The following CACNA1C variants were observed in gnomAD, a reference collection of about 807,000 sequenced individuals.
CACNA1C encodes the protein calcium voltage-gated channel subunit alpha1 C.
A neutral mutation model predicts 229.0 loss-of-function variants in CACNA1C; 30 were observed. That is an observed-to-expected ratio of 0.13 (90% CI 0.10 to 0.18). The LOEUF is 0.18. Ranked by LOEUF, CACNA1C falls within the 10% of genes least tolerant of loss-of-function variation. The pLI is 1.00. For missense variants in CACNA1C, 1,658 were observed against 2,845.0 expected (o/e 0.58, Z 9.49); for synonymous variants, 1,114 against 1,132.5 (o/e 0.98, Z 0.33).
At chr12:2,629,829 A>T (rs2089471879) in intron 29 of CACNA1C, among the ~76,000 whole-genome samples, 1 of 152,108 alleles carries the variant, frequency 6.6e-6, no homozygotes, top group Non-Finnish European at 1.5e-5. Flanking sequence ...CCCAGCAATG[A>T]TTTTCTGATG....
At position 2,067,487 on chromosome 12, in the gene CACNA1C, C is replaced by CGT. The variant is rs1555107894; in HGVS notation, c.49+13880_49+13881dup. Among the ~76,000 whole-genome samples, 13 of 52,944 alleles carry CGT rather than the reference C, an allele frequency of 2.5e-4. No individual in the cohort carries two copies. The highest frequency in any genetic ancestry group is 3.1e-4 in the African/African-American group (6 of 19,270). 34.7% of individuals were successfully genotyped at this position (52,944 alleles called of 152,430 possible). On this transcript the variant is annotated intron_variant, in intron 1 of 46. Coordinates refer to ENST00000399655, the MANE Select transcript of CACNA1C (RefSeq NM_000719.7). This position sits in a 1 kb window ranked among gnomAD's most constrained non-coding sequence, Gnocchi z 5.3. ...GTGTGTGTGTGTGTGTGTGTGCGCG[C>CGT]GTGTGCGTGCCTGTATGTAAGGGCA...
intron 3 of CACNA1C, among the ~76,000 whole-genome samples, chr12:2,379,765 C>T (rs967923641): frequency 6.6e-6 from 1 of 152,074 alleles, no homozygotes; most frequent in Non-Finnish European, 1.5e-5. Flanking sequence ...GGCGCGGTGG[C>T]TCACGCCTGT....
chr12:2,084,118 T>A (rs2066677747), intron 1 of CACNA1C, among the ~76,000 whole-genome samples: 1 of 152,220 alleles, frequency 6.6e-6, no homozygotes, highest in Non-Finnish European at 1.5e-5. Flanking sequence ...TTTGAAAAAC[T>A]TTTCACATAG....
At chr12:2,400,766 G>A (rs896740493) in intron 3 of CACNA1C, among the ~76,000 whole-genome samples, 16 of 152,050 alleles carry the variant, frequency 1.1e-4, no homozygotes, top group African/African-American at 2.2e-4. Flanking sequence ...CTGAGTGCAC[G>A]GCCCTGACAG....
chr12:2,030,282 T>A (rs2048007811), intron 1 of CACNA1C, among the ~76,000 whole-genome samples: 1 of 152,216 alleles, frequency 6.6e-6, no homozygotes. Context: ...TTGGATCCAA[T>A]GCTGAGGAAT....
intron 27 of CACNA1C, 138 bp from the exon 28 acceptor site, chr12:2,610,403 G>A (rs1025144910): frequency 1.8e-5 from 14 of 785,748 alleles, no homozygotes; most frequent in Admixed American, 8.2e-5. Flanking sequence ...GAGCCGGAGC[G>A]GCCAATGATT....
chr12:2,559,696 G>C (rs1180337397), intron 11 of CACNA1C, among the ~76,000 whole-genome samples: 1 of 152,220 alleles, frequency 6.6e-6, no homozygotes, highest in Non-Finnish European at 1.5e-5. Context: ...GGCTGAGTCA[G>C]AGCTCATACC....
chr12:2,163,062 G>A (rs1050684407), intron 3 of CACNA1C, among the ~76,000 whole-genome samples: 1 of 152,016 alleles, frequency 6.6e-6, no homozygotes, highest in African/African-American at 2.4e-5. Flanking sequence ...GCCAGGCGTG[G>A]TGGTGCATGC....
intron 30 of CACNA1C, among the ~76,000 whole-genome samples, chr12:2,643,654 C>G (rs115268580): frequency 0.012 from 1,840 of 152,280 alleles, 34 homozygotes; most frequent in African/African-American, 0.04. Context: ...CCTCCCGACT[C>G]CTCCTGAGAT....
At chr12:2,542,892 A>T (rs1464720429) in intron 9 of CACNA1C, among the ~76,000 whole-genome samples, 2 of 152,196 alleles carry the variant, frequency 1.3e-5, no homozygotes, top group Non-Finnish European at 2.9e-5. Flanking sequence ...GTTGTTGGCA[A>T]TTCGACCATA....
chr12:2,045,585 G>C (rs937107364), intron 1 of CACNA1C, among the ~76,000 whole-genome samples: 2 of 152,160 alleles, frequency 1.3e-5, no homozygotes, highest in Non-Finnish European at 2.9e-5. Context: ...CAGCACCTTC[G>C]TCACCACTCA....
intron 3 of CACNA1C, among the ~76,000 whole-genome samples, chr12:2,135,811 T>A (rs1257212794): frequency 6.1e-5 from 9 of 146,700 alleles, no homozygotes; most frequent in Non-Finnish European, 1.0e-4. Flanking sequence ...CAGGCAGGCC[T>A]CCTTGAGCTG....
chr12:2,325,198 C>G (rs1407377430), intron 3 of CACNA1C, among the ~76,000 whole-genome samples: 1 of 152,210 alleles, frequency 6.6e-6, no homozygotes, highest in Non-Finnish European at 1.5e-5. Context: ...GGCACCCACC[C>G]TCACTACAGC....
At chr12:2,375,590 T>A (rs1268032032) in intron 3 of CACNA1C, among the ~76,000 whole-genome samples, 2 of 152,308 alleles carry the variant, frequency 1.3e-5, no homozygotes, top group East Asian at 3.9e-4. Context: ...TATTTCAACT[T>A]CCCATTTATA....
rs1363619985 is a variant in CACNA1C, at chr12:2,633,220, C to T, written c.3829-1077C>T. On this transcript the variant is annotated intron_variant, in intron 29 of 46. Transcript: ENST00000399655. The surrounding 1 kb of genome is among the most constrained non-coding windows in gnomAD (Gnocchi z 5.8). Reference sequence around the variant, plus strand: ...TGTGTTCCCTCCCTCCAGACAGGCCCTTCTGCTGGAAGAGGACTGGGGGTG... The same window carrying T: ...TGTGTTCCCTCCCTCCAGACAGGCCTTTCTGCTGGAAGAGGACTGGGGGTG... Among the ~76,000 whole-genome samples the T allele has an allele frequency of 1.3e-5, 2 of 152,192 alleles. No homozygotes were observed. Among genetic ancestry groups the T allele is most frequent in the Non-Finnish European group, 2.9e-5 (2 of 68,038 alleles).
At chr12:2,002,183 A>AT (rs1308976959) in intron 1 of CACNA1C, among the ~76,000 whole-genome samples, 2 of 152,138 alleles carry the variant, frequency 1.3e-5, no homozygotes, top group Non-Finnish European at 2.9e-5. Flanking sequence ...TTTCAGGGCA[A>AT]TAAGAATTCC....
rs57191390 is a variant in CACNA1C, at chr12:2,358,251, CTGTGTGTGTGTGTGTGTGTGTGTGTGTG to C, written c.478-90695_478-90668del. Among the ~76,000 whole-genome samples, 758 of 136,108 alleles carry C rather than the reference CTGTGTGTGTGTGTGTGTGTGTGTGTGTG, an allele frequency of 5.6e-3. 10 individuals carry two copies. Among genetic ancestry groups the C allele is most frequent in the African/African-American group, 0.02 (724 of 36,970 alleles). 89.3% of individuals were successfully genotyped at this position (136,108 alleles called of 152,430 possible). On this transcript the variant is annotated intron_variant, in intron 3 of 46. Transcript: ENST00000399655. Reference sequence around the variant, plus strand: ...CTGGCCTAAAAGAAGCGGCGTCCTCCTGTGTGTGTGTGTGTGTGTGTGTGTGTGTGTGTGTGTGTGTGTGTGTGTGTGT... The same window carrying C: ...CTGGCCTAAAAGAAGCGGCGTCCTCCTGTGTGTGTGTGTGTGTGTGTGTGT...
chr12:2,678,541 G>A lies in CACNA1C; in HGVS notation c.5091+674G>A, dbSNP rs2096940689. Among the ~76,000 whole-genome samples the A allele has an allele frequency of 6.6e-6, 1 of 152,234 alleles. No individual in the cohort carries two copies. The highest frequency in any genetic ancestry group is 1.5e-5 in the Non-Finnish European group (1 of 68,048). ...GGTTACAAATCCTTCTATAGCAAGG[G>A]AGAAGCTGCCAGCCATAATTGTGCA... On this transcript the variant is annotated intron_variant, in intron 41 of 46. Coordinates refer to ENST00000399655, the MANE Select transcript of CACNA1C (RefSeq NM_000719.7). The surrounding 1 kb of genome is among the most constrained non-coding windows in gnomAD (Gnocchi z 4.1).
chr12:2,617,451 A>G (rs123267), intron 29 of CACNA1C, among the ~76,000 whole-genome samples: 145,794 of 152,284 alleles, frequency 0.96, 70,124 homozygotes, highest in East Asian at 1. Flanking sequence ...AAACCAGCCC[A>G]CTCTGCATCG....
Sources: gnomAD v4.1 joint callset for allele counts (sites outside exome capture counted in the v4.1 genomes callset) on GRCh38, gnomAD v4.1.1 for gene constraint, Gnocchi (gnomAD v3.1) non-coding constraint, MANE v1.5 for transcripts, NCBI Gene and HGNC (gene_info 2026-07-23, HGNC 2026-07-21) for gene names.